The following APOL3 variants were observed in gnomAD, a reference collection of about 807,000 sequenced individuals.
APOL3 encodes apolipoprotein L3, also known as TNF-inducible protein CG12-1.
APOL3 carries 14 observed loss-of-function variants against 11.6 expected under a neutral mutation model. The observed-to-expected ratio is 1.21, with a 90% CI of 0.80 to 1.89. APOL3 has a LOEUF of 1.89. APOL3 is among the 40% of genes most tolerant of loss of function. APOL3 has a pLI of 0.00. For synonymous variants in APOL3, 192 were observed against 190.6 expected (o/e 1.01, Z -0.06); for missense variants, 483 against 492.1 (o/e 0.98, Z 0.17).
intron 1 of APOL3, chr22:36,157,139 A>C: frequency 2.4e-6 from 1 of 411,398 alleles, no homozygotes; most frequent in Non-Finnish European, 4.9e-6. Context: ...GAGGAGAAAG[A>C]AAAAAGAAAT....
rs570972342 is a variant in APOL3, at chr22:36,142,604, G to A, written c.351-546C>T. Among the ~76,000 whole-genome samples the A allele has an allele frequency of 2.0e-5, 3 of 152,244 alleles. No homozygotes were observed. The South Asian group carries it at 6.2e-4, about 32-fold the overall frequency. On this transcript the variant is annotated intron_variant, in intron 2 of 2. Transcript: ENST00000349314. The stretch of plus-strand genomic sequence containing the variant: ...ACAGCACAGTATAGCAATGTTATGG[G>A]TGATGGGTTTTGGGGCTATTACGTA...
exon 3 of APOL3, chr22:36,141,423 G>C (rs1406455114): frequency 6.2e-7 from 1 of 1,613,998 alleles, no homozygotes; most frequent in Non-Finnish European, 8.5e-7. Flanking sequence ...TGCCCGGGTG[G>C]TGCCTGCAAT....
Position 36,141,043 on chromosome 22 carries a change from C to A in APOL3, c.*157G>T, listed in dbSNP as rs191620764. On this transcript the variant is annotated 3_prime_UTR_variant, in exon 3 of 3. Transcript: ENST00000349314. The stretch of plus-strand genomic sequence containing the variant: ...TTGGTGCACTTGCCATCTGCATTAA[C>A]CCCTCCCCTGCTGTGCTCAGCTACA... 2.8e-3 allele frequency: 3,115 copies of A among 1,112,136 alleles called. 6 individuals carry two copies. The highest frequency in any genetic ancestry group is 3.6e-3 in the Non-Finnish European group (2,784 of 779,974). The allele number at this position is 1,112,136 out of a possible 1,614,324, so 68.9% of individuals were successfully genotyped here.
At chr22:36,163,043 A>G (rs1175291043), upstream of APOL3, among the ~76,000 whole-genome samples, 1 of 152,226 alleles carries the variant, frequency 6.6e-6, no homozygotes, top group African/African-American at 2.4e-5. Flanking sequence ...AAGGGCTTAG[A>G]GAAATCTTCT....
At chr22:36,156,724 C>A (rs2012922809) in intron 1 of APOL3, 2 of 301,622 alleles carry the variant, frequency 6.6e-6, no homozygotes, top group South Asian at 5.7e-5. Flanking sequence ...TCCCTGAGCA[C>A]TCTGCTTTCC....
intron 1 of APOL3, chr22:36,149,803 CTG>C (rs756214149): frequency 1.1e-4 from 50 of 455,458 alleles, no homozygotes; most frequent in South Asian, 7.8e-4. Context: ...CATTCCAAAT[CTG>C]TGTCTTGCAC....
At chr22:36,156,837 G>A in intron 1 of APOL3, 1 of 424,016 alleles carries the variant, frequency 2.4e-6, no homozygotes, top group Non-Finnish European at 4.8e-6. Flanking sequence ...CATCCCCTAT[G>A]ACTGACCTGG....
chr22:36,165,083 C>T (rs2013824280), upstream of APOL3: 1 of 152,112 alleles, frequency 6.6e-6, no homozygotes, highest in South Asian at 2.1e-4. Context: ...CCCAAACTCA[C>T]TCTTATCGAT....
exon 1 of APOL3, chr22:36,160,909 C>T (rs1390633317): frequency 1.2e-6 from 2 of 1,609,452 alleles, no homozygotes; most frequent in African/African-American, 1.3e-5. Context: ...CCAGCAGCAC[C>T]CTTGGTCCCA....
At chr22:36,163,748 C>A (rs1650335410), upstream of APOL3, among the ~76,000 whole-genome samples, 1 of 152,232 alleles carries the variant, frequency 6.6e-6, no homozygotes, top group South Asian at 2.1e-4. Flanking sequence ...TCGAGACTAC[C>A]TTGATCTCAG....
At chr22:36,148,352 G>C (rs539946321) in intron 1 of APOL3, among the ~76,000 whole-genome samples, 39 of 152,362 alleles carry the variant, frequency 2.6e-4, no homozygotes, top group Middle Eastern at 6.8e-3. Context: ...GCAGGTAAAG[G>C]GGATGGGAAC....
chr22:36,159,340 C>T (rs937529091), intron 1 of APOL3: 2 of 152,364 alleles, frequency 1.3e-5, no homozygotes, highest in Admixed American at 1.3e-4. Context: ...AACCCTGAGG[C>T]TCAGAGAGGG....
chr22:36,163,508 G>A (rs1054969482), upstream of APOL3, among the ~76,000 whole-genome samples: 1 of 152,124 alleles, frequency 6.6e-6, no homozygotes, highest in African/African-American at 2.4e-5. Flanking sequence ...TTTGAACAGA[G>A]CTTCATTTCT....
intron 1 of APOL3, 22 bp downstream of exon 2, chr22:36,149,024 G>A (rs1217832900): frequency 7.3e-7 from 1 of 1,368,134 alleles, no homozygotes; most frequent in Non-Finnish European, 9.8e-7. Context: ...ACCAGCCAGG[G>A]AAGAGGAAGA....
chr22:36,150,204 T>C (rs776379927), intron 1 of APOL3, among the ~76,000 whole-genome samples: 1 of 152,144 alleles, frequency 6.6e-6, no homozygotes, highest in Non-Finnish European at 1.5e-5. Flanking sequence ...AAAGCAAATG[T>C]TGATTATGTT....
upstream of APOL3, chr22:36,161,078 A>G: frequency 1.6e-6 from 1 of 611,460 alleles, no homozygotes; most frequent in Non-Finnish European, 2.9e-6. Flanking sequence ...CAATAACACC[A>G]CACTCCCCAG....
At chr22:36,151,679 G>T (rs1018940887) in intron 1 of APOL3, among the ~76,000 whole-genome samples, 2 of 152,226 alleles carry the variant, frequency 1.3e-5, no homozygotes, top group African/African-American at 4.8e-5. Context: ...TTGAGTCTGA[G>T]CATGGTGGCT....
intron 1 of APOL3, among the ~76,000 whole-genome samples, chr22:36,150,985 TAG>T (rs923564266): frequency 5.9e-5 from 9 of 152,014 alleles, no homozygotes; most frequent in African/African-American, 2.2e-4. Context: ...GACAACTGAA[TAG>T]AGAGGGGTAA....
intron 1 of APOL3, chr22:36,154,442 CAA>C: frequency 2.8e-6 from 1 of 362,294 alleles, no homozygotes. Context: ...ACTTGAAATG[CAA>C]AGACTTATCG....
Sources: allele counts gnomAD v4.1 joint callset (sites outside exome capture counted in the v4.1 genomes callset), GRCh38; gene constraint gnomAD v4.1.1; transcripts MANE v1.5; gene names NCBI Gene and HGNC (gene_info 2026-07-23, HGNC 2026-07-21).